Variants in WDR7 observed in about 807,000 individuals in gnomAD.
WDR7 encodes WD repeat domain 7, also known as WD repeat-containing protein 7.
Under a neutral mutation model 169.4 loss-of-function variants are expected in WDR7, and 46 were observed. That is an observed-to-expected ratio of 0.27 (90% CI 0.21 to 0.35). The LOEUF (loss-of-function observed/expected upper bound fraction) is 0.35. Ranked by LOEUF, WDR7 falls within the 10% of genes least tolerant of loss-of-function variation. WDR7 has a pLI of 1.00. For synonymous variants in WDR7, 612 were observed against 666.8 expected (o/e 0.92, Z 1.27); for missense variants, 1,534 against 1,859.3 (o/e 0.83, Z 3.22).
At chr18:56,698,613 A>T (rs1423340046) in intron 12 of WDR7, among the ~76,000 whole-genome samples, 1 of 152,138 alleles carries the variant, frequency 6.6e-6, no homozygotes, top group African/African-American at 2.4e-5. Context: ...CTCAAAAAAA[A>T]AAAAAAAAAT....
At chr18:57,024,302 G>C (rs893101621) in intron 27 of WDR7, among the ~76,000 whole-genome samples, 2 of 152,054 alleles carry the variant, frequency 1.3e-5, no homozygotes, top group African/African-American at 4.8e-5. Flanking sequence ...GTATCCAGTC[G>C]CTGTTCAAGA....
intron 14 of WDR7, among the ~76,000 whole-genome samples, chr18:56,750,535 ATCT>A (rs1285572061): frequency 6.6e-6 from 1 of 152,298 alleles, no homozygotes; most frequent in African/African-American, 2.4e-5. Flanking sequence ...ACTGAATTTA[ATCT>A]TCTTCCACGA....
intron 5 of WDR7, among the ~76,000 whole-genome samples, chr18:56,683,340 C>A (rs555271183): frequency 6.6e-6 from 1 of 152,278 alleles, no homozygotes; most frequent in African/African-American, 2.4e-5. Flanking sequence ...ATATTATTAT[C>A]TTTTCTTCAT....
chr18:56,822,777 G>A (rs1330718042), intron 20 of WDR7, among the ~76,000 whole-genome samples: 1 of 152,074 alleles, frequency 6.6e-6, no homozygotes, highest in Non-Finnish European at 1.5e-5. Context: ...AAGGCTCTTA[G>A]TAATTATAAA....
At chr18:56,665,264 G>A (rs1340558829) in intron 1 of WDR7, among the ~76,000 whole-genome samples, 4 of 148,342 alleles carry the variant, frequency 2.7e-5, no homozygotes, top group Non-Finnish European at 4.4e-5. Flanking sequence ...CTGCACTCCC[G>A]CCTGGGTGAC....
chr18:56,850,241 A>T (rs2045621807), intron 20 of WDR7, among the ~76,000 whole-genome samples: 1 of 152,206 alleles, frequency 6.6e-6, no homozygotes, highest in Non-Finnish European at 1.5e-5. Flanking sequence ...AATGTGTAAC[A>T]GTCTAAAATT....
At chr18:56,916,013 G>A (rs911431251) in intron 21 of WDR7, among the ~76,000 whole-genome samples, 13 of 152,128 alleles carry the variant, frequency 8.5e-5, no homozygotes, top group Non-Finnish European at 1.6e-4. Flanking sequence ...GTGTACTGGC[G>A]GTTTATGGGG....
At chr18:56,944,607 T>A (rs2047078839) in intron 25 of WDR7, among the ~76,000 whole-genome samples, 1 of 152,130 alleles carries the variant, frequency 6.6e-6, no homozygotes, top group South Asian at 2.1e-4. Flanking sequence ...ATACAAAAAA[T>A]TTAGTTTTAA....
At chr18:56,691,121 AC>A in intron 7 of WDR7, 94 bp from the exon 8 acceptor site, 1 of 1,511,292 alleles carries the variant, frequency 6.6e-7, no homozygotes. Flanking sequence ...TTTTCTAAAT[AC>A]ATTTCCAGGC....
intron 21 of WDR7, among the ~76,000 whole-genome samples, chr18:56,895,054 A>G (rs1435595166): frequency 6.6e-6 from 1 of 151,958 alleles, no homozygotes; most frequent in South Asian, 2.1e-4. Context: ...ACTAAAAGCT[A>G]CGTCATCCTT....
chr18:56,758,416 G>A (rs2043931587), intron 15 of WDR7, among the ~76,000 whole-genome samples: 1 of 152,154 alleles, frequency 6.6e-6, no homozygotes, highest in Admixed American at 6.5e-5. Context: ...CTAGTAAGTG[G>A]TAGTGTCAGA....
intron 13 of WDR7, among the ~76,000 whole-genome samples, chr18:56,728,796 G>A (rs2026518212): frequency 6.6e-6 from 1 of 152,146 alleles, no homozygotes; most frequent in Admixed American, 6.6e-5. Context: ...TTCCAACAGT[G>A]TCTCTTGATG....
chr18:56,711,666 T>C (rs2026089147), intron 12 of WDR7, among the ~76,000 whole-genome samples: 1 of 152,170 alleles, frequency 6.6e-6, no homozygotes, highest in Non-Finnish European at 1.5e-5. Context: ...TGGCCTTTTT[T>C]TCTAAAACAT....
intron 20 of WDR7, among the ~76,000 whole-genome samples, chr18:56,828,826 C>A (rs973683967): frequency 1.3e-5 from 2 of 151,982 alleles, no homozygotes; most frequent in African/African-American, 2.4e-5. Flanking sequence ...AAAAAATGTG[C>A]CTCCTATGTC....
intron 25 of WDR7, among the ~76,000 whole-genome samples, chr18:56,944,663 C>T (rs536492832): frequency 2.0e-5 from 3 of 152,168 alleles, no homozygotes; most frequent in African/African-American, 7.2e-5. Flanking sequence ...TTAAAACTTC[C>T]GATGTCATCT....
intron 14 of WDR7, among the ~76,000 whole-genome samples, chr18:56,745,105 A>C (rs904506975): frequency 6.6e-6 from 1 of 151,580 alleles, no homozygotes; most frequent in Non-Finnish European, 1.5e-5. Flanking sequence ...TTATGACTTA[A>C]CAATAGGATT....
intron 14 of WDR7, among the ~76,000 whole-genome samples, chr18:56,754,319 ATGTG>A (rs950525030): frequency 2.2e-4 from 33 of 146,940 alleles, no homozygotes; most frequent in Non-Finnish European, 7.5e-5. Context: ...ATACATATAT[ATGTG>A]TGTATATATA....
chr18:56,863,751 G>A (rs1227966165), intron 20 of WDR7, among the ~76,000 whole-genome samples: 1 of 151,610 alleles, frequency 6.6e-6, no homozygotes, highest in Non-Finnish European at 1.5e-5. Flanking sequence ...TAGCTTTACT[G>A]TTTTTCTTGA....
chr18:57,003,407 T>G (rs2048010213), intron 26 of WDR7, among the ~76,000 whole-genome samples: 1 of 152,060 alleles, frequency 6.6e-6, no homozygotes, highest in Admixed American at 6.6e-5. Flanking sequence ...GAACAACATT[T>G]AAAAAGCACT....
Sources: allele counts gnomAD v4.1 joint callset (sites outside exome capture counted in the v4.1 genomes callset), GRCh38; gene constraint gnomAD v4.1.1; transcripts MANE v1.5; gene names NCBI Gene and HGNC (gene_info 2026-07-23, HGNC 2026-07-21).